The following VGLL3 variants were observed in gnomAD, a reference collection of about 807,000 sequenced individuals.
VGLL3 encodes vestigial like family member 3, also known as transcription cofactor vestigial-like protein 3.
VGLL3 carries 18 observed loss-of-function variants against 29.2 expected under a neutral mutation model. The observed-to-expected ratio is 0.62, with a 90% CI of 0.43 to 0.91. The LOEUF (loss-of-function observed/expected upper bound fraction) is 0.91, where lower values mean the gene tolerates loss of function less well. Ranked by LOEUF, VGLL3 falls within the 40% of genes least tolerant of loss-of-function variation. The pLI, the probability that VGLL3 is intolerant of heterozygous loss-of-function variation, is 0.00. For missense variants in VGLL3, 440 were observed against 413.2 expected, an observed-to-expected ratio of 1.06 and a Z score of -0.56; for synonymous variants, 180 against 151.8, an observed-to-expected ratio of 1.19 and a Z score of -1.36.
chr3:86,947,776 T>C (rs1310844589), intron 3 of VGLL3, among the ~76,000 whole-genome samples: 1 of 152,154 alleles, frequency 6.6e-6, no homozygotes, highest in Non-Finnish European at 1.5e-5. Flanking sequence ...TATACATTGA[T>C]TAATAGGACA....
intron 3 of VGLL3, among the ~76,000 whole-genome samples, chr3:86,950,676 C>A (rs1402424223): frequency 1.3e-5 from 2 of 152,152 alleles, no homozygotes; most frequent in Non-Finnish European, 2.9e-5. Context: ...CCATTTGTCA[C>A]ATTTTTCCCA....
At chr3:86,977,880 A>G (rs917870628) in intron 2 of VGLL3, among the ~76,000 whole-genome samples, 7 of 152,310 alleles carry the variant, frequency 4.6e-5, no homozygotes, top group Middle Eastern at 3.4e-3. Flanking sequence ...TGTCACCAAT[A>G]ATTTTCTATG....
chr3:86,954,958 C>A (rs1704689005), intron 3 of VGLL3, among the ~76,000 whole-genome samples: 1 of 150,388 alleles, frequency 6.6e-6, no homozygotes, highest in Non-Finnish European at 1.5e-5. Flanking sequence ...TTATAATAGT[C>A]TCAAGAGATT....
At chr3:86,986,623 A>G (rs1474743373) in intron 1 of VGLL3, among the ~76,000 whole-genome samples, 1 of 152,202 alleles carries the variant, frequency 6.6e-6, no homozygotes. Context: ...CAAGAAAAAT[A>G]GATCCTCTGC....
chr3:86,955,154 A>C (rs1164168098), intron 3 of VGLL3, among the ~76,000 whole-genome samples: 1 of 152,160 alleles, frequency 6.6e-6, no homozygotes, highest in Non-Finnish European at 1.5e-5. Flanking sequence ...AACATAGGAA[A>C]CATGATACCT....
At position 86,968,812 on chromosome 3, in the gene VGLL3, G is replaced by T; in HGVS notation, c.715C>A (p.Arg239Ser). The T allele has an allele frequency of 1.2e-6, 2 of 1,614,144 alleles. No homozygotes were observed. The highest frequency in any genetic ancestry group is 1.7e-6 in the Non-Finnish European group (2 of 1,180,022). The change falls in exon 3 of 4, where the codon CGC becomes AGC. Residue 239 changes from arginine to serine, a missense_variant. Transcript: ENST00000398399. Reference protein sequence around the residue: ...HHHPHAHMHHRHRHHHHHHHP... With the variant: ...HHHPHAHMHHSHRHHHHHHHP... ...TGATGGTGATGATGGTGGCGGTGGC[G>T]GTGGTGCATGTGGGCATGAGGGTGG...
At position 86,941,313 on chromosome 3, in the gene VGLL3, GA is replaced by G. The variant is rs1704392661; in HGVS notation, c.*5710del. The G allele has an allele frequency of 6.6e-6, 1 of 152,318 alleles. No homozygotes were observed. The highest frequency in any genetic ancestry group is 2.1e-4 in the South Asian group (1 of 4,824). The allele number at this position is 152,318 out of a possible 1,614,324, so 9.4% of individuals were successfully genotyped here. A position where few individuals can be genotyped will look rare whatever the true frequency, so the allele number is the denominator to read the frequency against. ...TTTTGCTCTAGCCACGGCATAGAAA[GA>G]AATGTACATCTCTATTAATATAAAG... On this transcript the variant is annotated 3_prime_UTR_variant, in exon 4 of 4. Transcript: ENST00000398399.
chr3:86,968,476 C>T, intron 3 of VGLL3, 114 bp downstream of exon 3: 1 of 1,240,836 alleles, frequency 8.1e-7, no homozygotes, highest in Non-Finnish European at 1.1e-6. Flanking sequence ...GTTCCATAAA[C>T]ATGTTGGTAA....
Position 86,945,382 on chromosome 3 carries a change from G to C in VGLL3, c.*1642C>G, listed in dbSNP as rs2106951836. Reference sequence around the variant, plus strand: ...TGATACGAACAATTAAAGATAGAAAGTGGCATTTCACTGAACATACTATTT... The same window carrying C: ...TGATACGAACAATTAAAGATAGAAACTGGCATTTCACTGAACATACTATTT... On this transcript the variant is annotated 3_prime_UTR_variant, in exon 4 of 4. Coordinates refer to ENST00000398399, the MANE Select transcript of VGLL3 (RefSeq NM_016206.4). 6.6e-6 allele frequency: 1 copy of C among 152,212 alleles called. No individual in the cohort carries two copies. The highest frequency in any genetic ancestry group is 3.4e-3 in the Middle Eastern group (1 of 294). 9.4% of individuals were successfully genotyped at this position (152,212 alleles called of 1,614,324 possible).
chr3:86,990,844 C>T lies in VGLL3; in HGVS notation c.-101G>A, dbSNP rs569303154. ...GCCGCCGCAGCTGCCGCCTCTGTCG[C>T]TGCTCCAGCTGCTACTGCGGCGAAG... On this transcript the variant is annotated 5_prime_UTR_variant, in exon 1 of 4. Coordinates refer to ENST00000398399, the MANE Select transcript of VGLL3 (RefSeq NM_016206.4). 7.7e-4 allele frequency: 905 copies of T among 1,172,070 alleles called. 7 individuals carry two copies. The African/African-American group carries it at 0.013, about 17-fold the overall frequency. The allele number at this position is 1,172,070 out of a possible 1,614,324, so 72.6% of individuals were successfully genotyped here.
In VGLL3 at chr3:86,950,747, T is replaced by C. The variant is rs539981040; in HGVS notation, c.938-3680A>G. On this transcript the variant is annotated intron_variant, in intron 3 of 3. Coordinates refer to ENST00000398399, the MANE Select transcript of VGLL3 (RefSeq NM_016206.4). The stretch of plus-strand genomic sequence containing the variant: ...CTTTTGATGAAGACCACTTCAGTGG[T>C]ATGATAGGATGTGTCATATTTAACT... Among the ~76,000 whole-genome samples the C allele has an allele frequency of 5.9e-5, 9 of 152,308 alleles. No individual in the cohort carries two copies. The South Asian group carries it at 1.9e-3, about 32-fold the overall frequency.
intron 3 of VGLL3, among the ~76,000 whole-genome samples, chr3:86,949,690 A>T (rs192867308): frequency 8.2e-4 from 124 of 151,800 alleles, no homozygotes; most frequent in African/African-American, 2.9e-3. Flanking sequence ...GCCGGGCGTG[A>T]TGGCGGGCGC....
intron 2 of VGLL3, among the ~76,000 whole-genome samples, chr3:86,976,287 G>A (rs1705207638): frequency 6.6e-6 from 1 of 152,122 alleles, no homozygotes; most frequent in African/African-American, 2.4e-5. Context: ...ACCACATGAT[G>A]AGTATTCTTA....
chr3:86,979,434 A>C (rs1222523956), intron 1 of VGLL3, among the ~76,000 whole-genome samples: 1 of 152,198 alleles, frequency 6.6e-6, no homozygotes, highest in Non-Finnish European at 1.5e-5. Flanking sequence ...TACCACCATT[A>C]TCATGAGGGG....
intron 3 of VGLL3, among the ~76,000 whole-genome samples, chr3:86,959,321 T>A (rs1433937499): frequency 6.6e-6 from 1 of 152,210 alleles, no homozygotes; most frequent in Non-Finnish European, 1.5e-5. Context: ...AACATCTTCA[T>A]AACTTCCTAA....
intron 1 of VGLL3, among the ~76,000 whole-genome samples, chr3:86,989,446 C>T (rs906113966): frequency 1.2e-4 from 19 of 152,148 alleles, no homozygotes; most frequent in African/African-American, 4.6e-4. Flanking sequence ...TTTCATAGTT[C>T]CTAAATTCTA....
chr3:86,950,598 A>G (rs1042897246), intron 3 of VGLL3, among the ~76,000 whole-genome samples: 5 of 152,170 alleles, frequency 3.3e-5, no homozygotes, highest in Admixed American at 2.0e-4. Flanking sequence ...CTGCTTAGAA[A>G]CACCCTGATT....
intron 1 of VGLL3, among the ~76,000 whole-genome samples, chr3:86,979,610 C>T (rs1320064549): frequency 6.6e-6 from 1 of 151,888 alleles, no homozygotes. Context: ...TATTTATCAC[C>T]TCACTTAATC....
chr3:86,983,041 G>T (rs1043451073), intron 1 of VGLL3, among the ~76,000 whole-genome samples: 1 of 152,138 alleles, frequency 6.6e-6, no homozygotes, highest in African/African-American at 2.4e-5. Context: ...AATGTGCAGG[G>T]GAAGGATTTG....
Sources: allele counts gnomAD v4.1 joint callset (sites outside exome capture counted in the v4.1 genomes callset), GRCh38; gene constraint gnomAD v4.1.1; transcripts MANE v1.5; gene names NCBI Gene and HGNC (gene_info 2026-07-23, HGNC 2026-07-21).